The following GPC6 variants were observed in gnomAD, a reference collection of about 807,000 sequenced individuals.
The protein encoded by GPC6 is glypican-6.
GPC6 carries 14 observed loss-of-function variants against 55.2 expected under a neutral mutation model. The ratio of observed to expected loss-of-function variants is 0.25; its 90% CI spans 0.17 to 0.40. The LOEUF (loss-of-function observed/expected upper bound fraction) is 0.40. Among genes scored for constraint, GPC6 ranks in the 10% least tolerant of loss-of-function variants. The pLI is 1.00. For missense variants in GPC6, 641 were observed against 708.5 expected (o/e 0.90, Z 1.08); for synonymous variants, 278 against 259.6 (o/e 1.07, Z -0.68).
chr13:94,155,405 C>T (rs2138903431), intron 4 of GPC6, among the ~76,000 whole-genome samples: 1 of 152,276 alleles, frequency 6.6e-6, no homozygotes, highest in South Asian at 2.1e-4. Flanking sequence ...TACTCTATAC[C>T]TTTTCCACAG....
chr13:93,540,070 T>C (rs1566412169), intron 1 of GPC6, among the ~76,000 whole-genome samples: 1 of 152,122 alleles, frequency 6.6e-6, no homozygotes, highest in African/African-American at 2.4e-5. Flanking sequence ...CTTGGTCGAT[T>C]TTTTTTGTGG....
intron 1 of GPC6, among the ~76,000 whole-genome samples, chr13:93,537,458 A>C (rs1055324218): frequency 7.2e-5 from 11 of 152,234 alleles, no homozygotes; most frequent in African/African-American, 2.7e-4. Flanking sequence ...GACATCAATC[A>C]GTTATCAATT....
intron 1 of GPC6, among the ~76,000 whole-genome samples, chr13:93,379,566 T>C (rs1298418189): frequency 1.3e-5 from 2 of 152,180 alleles, no homozygotes; most frequent in East Asian, 3.8e-4. Context: ...TTTTGATAAT[T>C]TCATATATGC....
chr13:93,383,300 C>G (rs1006976245), intron 1 of GPC6, among the ~76,000 whole-genome samples: 1 of 152,156 alleles, frequency 6.6e-6, no homozygotes, highest in Non-Finnish European at 1.5e-5. Context: ...CAGCCCTGAC[C>G]TCCCAGGCTC....
At chr13:94,035,222 T>A (rs1196481683) in intron 4 of GPC6, among the ~76,000 whole-genome samples, 1 of 152,230 alleles carries the variant, frequency 6.6e-6, no homozygotes, top group South Asian at 2.1e-4. Flanking sequence ...TTCACTGTCA[T>A]GTTTTCAAGT....
At chr13:94,088,153 G>A (rs1020133148) in intron 4 of GPC6, among the ~76,000 whole-genome samples, 1 of 152,082 alleles carries the variant, frequency 6.6e-6, no homozygotes, top group Non-Finnish European at 1.5e-5. Flanking sequence ...ACCTAAGTCT[G>A]TATTTCCCCT....
chr13:93,328,646 G>C (rs1879737464), intron 1 of GPC6, among the ~76,000 whole-genome samples: 1 of 150,802 alleles, frequency 6.6e-6, no homozygotes, highest in East Asian at 2.0e-4. Context: ...CTGTACTCCA[G>C]CCTGGGTGAA....
At chr13:94,347,606 T>C (rs1466727091) in intron 6 of GPC6, among the ~76,000 whole-genome samples, 1 of 152,222 alleles carries the variant, frequency 6.6e-6, no homozygotes, top group Non-Finnish European at 1.5e-5. Context: ...TTTGACATAA[T>C]GTAATATGAT....
intron 4 of GPC6, among the ~76,000 whole-genome samples, chr13:94,067,620 T>TAGATAGATAGAC (rs879350059): frequency 5.0e-5 from 6 of 120,928 alleles, no homozygotes; most frequent in East Asian, 4.3e-4. Context: ...GATAGATAGA[T>TAGATAGATAGAC]AGACAGACAG....
At chr13:93,962,146 A>T (rs980136304) in intron 3 of GPC6, among the ~76,000 whole-genome samples, 1 of 152,212 alleles carries the variant, frequency 6.6e-6, no homozygotes, top group African/African-American at 2.4e-5. Context: ...GATAAAATGT[A>T]GTCCATTACT....
chr13:94,084,781 A>G (rs780336803), intron 4 of GPC6, among the ~76,000 whole-genome samples: 9 of 152,210 alleles, frequency 5.9e-5, no homozygotes, highest in Non-Finnish European at 1.3e-4. Context: ...AAAGCTGGAA[A>G]TCAAATATTA....
chr13:93,374,304 A>C (rs945453511), intron 1 of GPC6, among the ~76,000 whole-genome samples: 3 of 152,190 alleles, frequency 2.0e-5, no homozygotes, highest in Non-Finnish European at 4.4e-5. Context: ...GGTGGGCAGA[A>C]CCAAAAGTAG....
At chr13:94,119,096 TA>T (rs1291951446) in intron 4 of GPC6, among the ~76,000 whole-genome samples, 1 of 152,042 alleles carries the variant, frequency 6.6e-6, no homozygotes, top group African/African-American at 2.4e-5. Flanking sequence ...CATATATGTA[TA>T]AAATCAGAAT....
intron 1 of GPC6, among the ~76,000 whole-genome samples, chr13:93,483,086 C>T (rs779855901): frequency 3.9e-5 from 6 of 152,120 alleles, no homozygotes; most frequent in Non-Finnish European, 7.4e-5. Flanking sequence ...TTGATCACTT[C>T]GTACATGCAT....
chr13:93,689,188 G>A (rs1882161770), intron 2 of GPC6, among the ~76,000 whole-genome samples: 1 of 151,894 alleles, frequency 6.6e-6, no homozygotes. Flanking sequence ...TAGCACAAAT[G>A]GCGATCCCAG....
chr13:93,679,402 G>A (rs1048193787), intron 2 of GPC6, among the ~76,000 whole-genome samples: 5 of 152,136 alleles, frequency 3.3e-5, no homozygotes, highest in African/African-American at 9.7e-5. Context: ...AGATATGACT[G>A]GAAGAGTGGC....
Position 93,227,712 on chromosome 13 carries a change from G to A in GPC6, c.160+96G>A. 3.0e-6 allele frequency: 3 copies of A among 992,668 alleles called. No individual in the cohort carries two copies. Among genetic ancestry groups the A allele is most frequent in the Non-Finnish European group, 4.5e-6 (3 of 673,560 alleles). 61.5% of individuals were successfully genotyped at this position (992,668 alleles called of 1,614,324 possible). A position where few individuals can be genotyped will look rare whatever the true frequency, so the allele number is the denominator to read the frequency against. On this transcript the variant is annotated intron_variant, in intron 1 of 8. Coordinates refer to ENST00000377047, the MANE Select transcript of GPC6 (RefSeq NM_005708.5). The surrounding 1 kb of genome is among the most constrained non-coding windows in gnomAD (Gnocchi z 4.3). ...TCCCCTTCCTTCCCCCTGTTGCTGA[G>A]TTGGTGCTCACTTTCTGCCACCGCT...
chr13:93,927,539 C>T (rs1371178420), intron 3 of GPC6, among the ~76,000 whole-genome samples: 1 of 151,806 alleles, frequency 6.6e-6, no homozygotes, highest in Non-Finnish European at 1.5e-5. Flanking sequence ...TATTCAAGAC[C>T]AAAGATATGC....
chr13:93,775,311 C>T (rs113619691), intron 2 of GPC6, among the ~76,000 whole-genome samples: 13 of 152,108 alleles, frequency 8.5e-5, no homozygotes, highest in African/African-American at 2.9e-4. Context: ...CATTCTCATT[C>T]ATTTTCCAAA....
Sources: allele counts gnomAD v4.1 joint callset (sites outside exome capture counted in the v4.1 genomes callset), GRCh38; gene constraint gnomAD v4.1.1; non-coding constraint Gnocchi (gnomAD v3.1); transcripts MANE v1.5; gene names NCBI Gene and HGNC (gene_info 2026-07-23, HGNC 2026-07-21).